XPOT: variants seen among roughly 807,000 people sequenced by gnomAD.
XPOT encodes exportin for tRNA.
A neutral mutation model predicts 128.2 loss-of-function variants in XPOT; 34 were observed. That is an observed-to-expected ratio of 0.27 (90% CI 0.20 to 0.35). The LOEUF is 0.35. Among genes scored for constraint, XPOT ranks in the 10% least tolerant of loss-of-function variants. The pLI, the probability that XPOT is intolerant of heterozygous loss-of-function variation, is 1.00. For synonymous variants in XPOT, 348 were observed against 394.3 expected, an observed-to-expected ratio of 0.88 and a Z score of 1.39; for missense variants, 838 against 1,125.3, an observed-to-expected ratio of 0.74 and a Z score of 3.65.
chr12:64,411,107 A>G (rs2040035020), intron 2 of XPOT, among the ~76,000 whole-genome samples: 1 of 152,210 alleles, frequency 6.6e-6, no homozygotes, highest in Admixed American at 6.5e-5. Flanking sequence ...CAGATACAGG[A>G]AAATAATAGG....
chr12:64,443,836 A>C (rs2040346596), intron 23 of XPOT, among the ~76,000 whole-genome samples: 1 of 152,094 alleles, frequency 6.6e-6, no homozygotes, highest in Admixed American at 6.5e-5. Context: ...AATGAATTTA[A>C]CTCATTTTTA....
rs752778503 is a variant in XPOT, at chr12:64,427,900, A to G, written c.1668-151A>G. ...TATCACTACAGAGCAGATAAAGGTA[A>G]TTTTTAAAAATTAACCATAGCTAAT... On this transcript the variant is annotated intron_variant, in intron 15 of 24. Transcript: ENST00000332707. 40 of 623,556 alleles carry G rather than the reference A, an allele frequency of 6.4e-5. No homozygotes were observed. In the Middle Eastern group the frequency reaches 1.3e-3, roughly 20 times the overall value. 38.6% of individuals were successfully genotyped at this position (623,556 alleles called of 1,614,324 possible).
At chr12:64,424,162 C>T (rs2040168859) in intron 11 of XPOT, among the ~76,000 whole-genome samples, 1 of 152,130 alleles carries the variant, frequency 6.6e-6, no homozygotes, top group African/African-American at 2.4e-5. Flanking sequence ...ATATTATTAC[C>T]ACTTTTTACA....
In XPOT at chr12:64,439,219, G is replaced by T. The variant is rs779609879; in HGVS notation, c.2734-25G>T. On this transcript the variant is annotated intron_variant, in intron 22 of 24. Coordinates refer to ENST00000332707, the MANE Select transcript of XPOT (RefSeq NM_007235.6). ...CTTATTAATGTCAAGCAAGAAAATA[G>T]TTGTAAGTATCTTTTAATCTTCAGG... 5 of 1,606,178 alleles carry T rather than the reference G, an allele frequency of 3.1e-6. No individual in the cohort carries two copies. The African/African-American group carries it at 6.7e-5, about 21-fold the overall frequency.
chr12:64,429,113 A>G (rs1835170249), intron 16 of XPOT, among the ~76,000 whole-genome samples: 1 of 152,236 alleles, frequency 6.6e-6, no homozygotes. Flanking sequence ...GCAGATGTAC[A>G]GAAAGGACCT....
chr12:64,427,112 C>T (rs1187099900), intron 15 of XPOT, among the ~76,000 whole-genome samples: 1 of 150,710 alleles, frequency 6.6e-6, no homozygotes. Context: ...AGATGTACTC[C>T]CGACCTTTTT....
chr12:64,408,222 G>A (rs1394005004), intron 1 of XPOT, among the ~76,000 whole-genome samples: 1 of 152,090 alleles, frequency 6.6e-6, no homozygotes, highest in East Asian at 1.9e-4. Flanking sequence ...CGATTCTCCT[G>A]CCTCAGCCTC....
rs369882054 is a variant in XPOT at position 64,424,552 on chromosome 12, G to C, written c.1183-47G>C. The C allele has an allele frequency of 2.2e-5, 35 of 1,603,292 alleles. No homozygotes were observed. In the African/African-American group the frequency reaches 2.9e-4, roughly 14 times the overall value. ...TGTAGCCATGGTGGTTTGCTGCGCC[G>C]ATCAACCCATAAGTTTTTTGAATGA... On this transcript the variant is annotated intron_variant, in intron 11 of 24. Coordinates refer to ENST00000332707, the MANE Select transcript of XPOT (RefSeq NM_007235.6).
intron 24 of XPOT, among the ~76,000 whole-genome samples, 197 bp from the exon 25 acceptor site, chr12:64,447,908 A>G (rs541208243): frequency 2.0e-5 from 3 of 152,344 alleles, no homozygotes; most frequent in South Asian, 4.1e-4. Context: ...TGATGTCAGC[A>G]TAAGTTATAT....
intron 23 of XPOT, among the ~76,000 whole-genome samples, chr12:64,444,850 G>GT (rs1415936820): frequency 6.6e-6 from 1 of 151,994 alleles, no homozygotes; most frequent in East Asian, 1.9e-4. Context: ...ACTTATGCCT[G>GT]TAATTCCAGC....
chr12:64,414,407 A>G (rs888886640), intron 2 of XPOT, among the ~76,000 whole-genome samples: 1 of 152,228 alleles, frequency 6.6e-6, no homozygotes, highest in Non-Finnish European at 1.5e-5. Context: ...ATAATTAAAG[A>G]CTTGAAATAC....
At chr12:64,406,624 C>T (rs745559117) in intron 1 of XPOT, among the ~76,000 whole-genome samples, 4 of 152,170 alleles carry the variant, frequency 2.6e-5, no homozygotes, top group Non-Finnish European at 5.9e-5. Flanking sequence ...GCCCCCCTCC[C>T]CTCGGCCTTC....
chr12:64,429,647 A>G (rs567273885), intron 16 of XPOT, among the ~76,000 whole-genome samples: 10 of 152,106 alleles, frequency 6.6e-5, no homozygotes, highest in African/African-American at 2.2e-4. Flanking sequence ...CACCACGTTG[A>G]CCAGGCTGGT....
intron 22 of XPOT, among the ~76,000 whole-genome samples, chr12:64,436,383 G>A (rs555609075): frequency 6.6e-6 from 1 of 152,070 alleles, no homozygotes; most frequent in East Asian, 1.9e-4. Flanking sequence ...TCAATCTCCA[G>A]AGTAGCTGGG....
At chr12:64,446,744 T>C (rs1405934549) in intron 24 of XPOT, among the ~76,000 whole-genome samples, 1 of 152,174 alleles carries the variant, frequency 6.6e-6, no homozygotes, top group Non-Finnish European at 1.5e-5. Context: ...AACTTCTGTA[T>C]GAACTGTACC....
intron 2 of XPOT, among the ~76,000 whole-genome samples, chr12:64,413,439 T>C (rs2040058705): frequency 6.6e-6 from 1 of 152,170 alleles, no homozygotes; most frequent in Admixed American, 6.5e-5. Context: ...TCATTATAAA[T>C]AACAAAAGAC....
chr12:64,426,315 A>G, intron 15 of XPOT, among the ~76,000 whole-genome samples: 1 of 144,392 alleles, frequency 6.9e-6, no homozygotes, highest in East Asian at 2.1e-4. Context: ...AAAAAAAAAG[A>G]AAAAGAAAAT....
At chr12:64,405,933 C>A (rs569244799) in intron 1 of XPOT, among the ~76,000 whole-genome samples, 2 of 150,700 alleles carry the variant, frequency 1.3e-5, no homozygotes, top group South Asian at 4.2e-4. Context: ...GCATATTGAT[C>A]GTCCAAATGC....
chr12:64,439,846 T>A (rs1226346200), intron 23 of XPOT, among the ~76,000 whole-genome samples: 1 of 152,256 alleles, frequency 6.6e-6, no homozygotes, highest in East Asian at 1.9e-4. Context: ...TTTCCAGATT[T>A]CTTGTCCAGT....
Sources: gnomAD v4.1 joint callset for allele counts (sites outside exome capture counted in the v4.1 genomes callset) on GRCh38, gnomAD v4.1.1 for gene constraint, MANE v1.5 for transcripts, NCBI Gene and HGNC (gene_info 2026-07-23, HGNC 2026-07-21) for gene names.